KLHL24: variants seen among roughly 807,000 people sequenced by gnomAD.
The protein encoded by KLHL24 is kelch like family member 24, also known as kelch-like protein 24.
KLHL24 carries 29 observed loss-of-function variants against 53.4 expected under a neutral mutation model. The observed-to-expected ratio is 0.54, with a 90% CI of 0.40 to 0.74. KLHL24 has a LOEUF of 0.74. Ranked by LOEUF, KLHL24 falls within the 30% of genes least tolerant of loss-of-function variation. The pLI, the probability that KLHL24 is intolerant of heterozygous loss-of-function variation, is 0.00. For synonymous variants in KLHL24, 222 were observed against 253.7 expected, an observed-to-expected ratio of 0.88 and a Z score of 1.19; for missense variants, 504 against 744.0, an observed-to-expected ratio of 0.68 and a Z score of 3.75.
At chr3:183,646,485 G>T (rs1399492742) in intron 2 of KLHL24, among the ~76,000 whole-genome samples, 1 of 151,680 alleles carries the variant, frequency 6.6e-6, no homozygotes, top group Non-Finnish European at 1.5e-5. Flanking sequence ...AAATTGCTTG[G>T]ATTTTTTCTG....
chr3:183,675,666 C>G (rs1003565331), intron 7 of KLHL24, among the ~76,000 whole-genome samples: 5 of 151,874 alleles, frequency 3.3e-5, no homozygotes, highest in African/African-American at 9.7e-5. Flanking sequence ...GGTGCAGTGG[C>G]TCATGCATAT....
intron 5 of KLHL24, among the ~76,000 whole-genome samples, chr3:183,667,087 A>G (rs1389157582): frequency 6.6e-6 from 1 of 152,146 alleles, no homozygotes; most frequent in Non-Finnish European, 1.5e-5. Flanking sequence ...GCCTCTTACT[A>G]GTCCTCCTTC....
At chr3:183,659,398 A>G (rs1275084624) in intron 3 of KLHL24, among the ~76,000 whole-genome samples, 3 of 152,158 alleles carry the variant, frequency 2.0e-5, no homozygotes, top group Admixed American at 6.6e-5. Flanking sequence ...TTAGCTGGGC[A>G]TGGTGGTGCA....
At chr3:183,677,741 A>G (rs1483769569) in intron 7 of KLHL24, among the ~76,000 whole-genome samples, 1 of 152,182 alleles carries the variant, frequency 6.6e-6, no homozygotes, top group African/African-American at 2.4e-5. Flanking sequence ...CAGTATAACC[A>G]GATGCATGTA....
At chr3:183,666,959 C>A (rs1979252) in intron 5 of KLHL24, among the ~76,000 whole-genome samples, 1 of 151,828 alleles carries the variant, frequency 6.6e-6, no homozygotes, top group African/African-American at 2.4e-5. Flanking sequence ...CTCCTAGCAC[C>A]CCTTTCTAAG....
intron 7 of KLHL24, among the ~76,000 whole-genome samples, chr3:183,674,209 T>C (rs1721753130): frequency 6.6e-6 from 1 of 152,168 alleles, no homozygotes; most frequent in Non-Finnish European, 1.5e-5. Context: ...TTCCTTTCTC[T>C]AATAGCTTGT....
At position 183,651,392 on chromosome 3, in the gene KLHL24, A is replaced by T. The variant is rs539760591; in HGVS notation, c.920+116A>T. On this transcript the variant is annotated intron_variant, in intron 3 of 7. Coordinates refer to ENST00000242810, the MANE Select transcript of KLHL24 (RefSeq NM_017644.3). ...CACTGTCTACCTGTGGCTGTATATA[A>T]TTTTAGATTTATTTTGGATTATATG... 645 of 690,304 alleles carry T rather than the reference A, an allele frequency of 9.3e-4. 5 individuals carry two copies. The East Asian group carries it at 0.016, about 17-fold the overall frequency. The allele number at this position is 690,304 out of a possible 1,614,324, so 42.8% of individuals were successfully genotyped here.
chr3:183,650,305 G>C lies in KLHL24; in HGVS notation c.-52G>C. The C allele has an allele frequency of 7.1e-7, 1 of 1,418,264 alleles. No individual in the cohort carries two copies. The highest frequency in any genetic ancestry group is 9.7e-7 in the Non-Finnish European group (1 of 1,035,890). 87.9% of individuals were successfully genotyped at this position (1,418,264 alleles called of 1,614,324 possible). A position where few individuals can be genotyped will look rare whatever the true frequency, so the allele number is the denominator to read the frequency against. On this transcript the variant is annotated 5_prime_UTR_variant, in exon 3 of 8. Coordinates refer to ENST00000242810, the MANE Select transcript of KLHL24 (RefSeq NM_017644.3). The surrounding 1 kb of genome is among the most constrained non-coding windows in gnomAD (Gnocchi z 4.5). Reference sequence around the variant, plus strand: ...CTTTTTTTACTTTTAGCCACATAAAGAAGATCCCTAATAGTCATTTCTCAA... The same window carrying C: ...CTTTTTTTACTTTTAGCCACATAAACAAGATCCCTAATAGTCATTTCTCAA...
rs1305618964 is a variant in KLHL24 at position 183,681,794 on chromosome 3, G to C, written c.*2508G>C. 2 of 152,012 alleles carry C rather than the reference G, an allele frequency of 1.3e-5. No homozygotes were observed. Among genetic ancestry groups the C allele is most frequent in the Non-Finnish European group, 3.0e-5 (2 of 67,790 alleles). 9.4% of individuals were successfully genotyped at this position (152,012 alleles called of 1,614,324 possible). On this transcript the variant is annotated 3_prime_UTR_variant, in exon 8 of 8. Transcript: ENST00000242810. ...AGAGTAGAATTAATATATCAAAAGG[G>C]GTATATCAACCAAATTGGTGTCAGA...
chr3:183,655,818 A>G (rs1239686797), intron 3 of KLHL24, among the ~76,000 whole-genome samples: 1 of 151,902 alleles, frequency 6.6e-6, no homozygotes, highest in Non-Finnish European at 1.5e-5. Context: ...TCTACTCGGG[A>G]GGCTGAGGAG....
chr3:183,678,013 G>A (rs1401237669), intron 7 of KLHL24, among the ~76,000 whole-genome samples: 1 of 152,126 alleles, frequency 6.6e-6, no homozygotes, highest in African/African-American at 2.4e-5. Context: ...GACTGGTCTC[G>A]AACTCTTGAT....
In KLHL24 at chr3:183,672,501, G is replaced by T; in HGVS notation, c.1602+17G>T. ...AGCCGTCAGGTAATAACATAAAGCAGTACAAAAGAAAAATAAATCTAAGAG... is the reference window on the plus strand; with the variant it reads ...AGCCGTCAGGTAATAACATAAAGCATTACAAAAGAAAAATAAATCTAAGAG... On this transcript the variant is annotated intron_variant, in intron 7 of 7. Transcript: ENST00000242810. 1 of 1,545,070 alleles carries T rather than the reference G, an allele frequency of 6.5e-7. No homozygotes were observed. Among genetic ancestry groups the T allele is most frequent in the Non-Finnish European group, 8.8e-7 (1 of 1,139,290 alleles).
chr3:183,654,434 C>T (rs1428694277), intron 3 of KLHL24, among the ~76,000 whole-genome samples: 1 of 151,918 alleles, frequency 6.6e-6, no homozygotes, highest in Non-Finnish European at 1.5e-5. Context: ...CTCTTTCATT[C>T]ATTCATTTAT....
rs553012512 is a variant in KLHL24 at position 183,661,242 on chromosome 3, A to T, written c.921-2216A>T. Among the ~76,000 whole-genome samples the T allele has an allele frequency of 1.1e-4, 16 of 151,860 alleles. No individual in the cohort carries two copies. In the South Asian group the frequency reaches 3.3e-3, roughly 32 times the overall value. On this transcript the variant is annotated intron_variant, in intron 3 of 7. Coordinates refer to ENST00000242810, the MANE Select transcript of KLHL24 (RefSeq NM_017644.3). The stretch of plus-strand genomic sequence containing the variant: ...AGAGTAAGACCTTGTCTCTATTTGA[A>T]AGAAAAACAAAAAAAGAATTAATGA...
chr3:183,639,534 G>A (rs560122952), intron 1 of KLHL24, among the ~76,000 whole-genome samples: 453 of 150,816 alleles, frequency 3.0e-3, no homozygotes, highest in African/African-American at 0.01. Context: ...GGAGGCTGAG[G>A]CAGGAGAATG....
chr3:183,680,567 C>A lies in KLHL24; in HGVS notation c.*1281C>A, dbSNP rs1712573890. 1 of 152,080 alleles carries A rather than the reference C, an allele frequency of 6.6e-6. No individual in the cohort carries two copies. The highest frequency in any genetic ancestry group is 1.5e-5 in the Non-Finnish European group (1 of 68,022). 9.4% of individuals were successfully genotyped at this position (152,080 alleles called of 1,614,324 possible). ...TTTAAGGTAAGTCTTTCATTTGGTC[C>A]CCATTGTGTAAAATACTAATCAACA... On this transcript the variant is annotated 3_prime_UTR_variant, in exon 8 of 8. Transcript: ENST00000242810.
At chr3:183,669,933 A>C (rs1721113689) in intron 5 of KLHL24, among the ~76,000 whole-genome samples, 1 of 152,162 alleles carries the variant, frequency 6.6e-6, no homozygotes, top group Non-Finnish European at 1.5e-5. Flanking sequence ...GGGAAGAGTT[A>C]ATGATGACAG....
Position 183,663,445 on chromosome 3 carries a change from A to AT in KLHL24, c.921-11dup. The AT allele has an allele frequency of 7.3e-7, 1 of 1,361,724 alleles. No homozygotes were observed. 84.4% of individuals were successfully genotyped at this position (1,361,724 alleles called of 1,614,324 possible). Reference sequence around the variant, plus strand: ...ATTATATTATTTATGTACGCTAATAATTATTATTTTAGGTCCACTGGCTAT... The same window carrying AT: ...ATTATATTATTTATGTACGCTAATAATTTATTATTTTAGGTCCACTGGCTAT... On this transcript the variant is annotated splice_polypyrimidine_tract_variant and intron_variant, in intron 3 of 7. Coordinates refer to ENST00000242810, the MANE Select transcript of KLHL24 (RefSeq NM_017644.3). This position sits in a 1 kb window ranked among gnomAD's most constrained non-coding sequence, Gnocchi z 4.9.
chr3:183,663,783 G>T lies in KLHL24; in HGVS notation c.1105+141G>T. ...GTTTACAACAAATAAAACCAAGAAT[G>T]ACTTTTTGCTCTTAAAAACAGGTAC... On this transcript the variant is annotated intron_variant, in intron 4 of 7. Coordinates refer to ENST00000242810, the MANE Select transcript of KLHL24 (RefSeq NM_017644.3). This position sits in a 1 kb window ranked among gnomAD's most constrained non-coding sequence, Gnocchi z 4.9. 1.9e-6 allele frequency: 1 copy of T among 519,292 alleles called. No homozygotes were observed. 32.2% of individuals were successfully genotyped at this position (519,292 alleles called of 1,614,324 possible).
Sources: allele counts gnomAD v4.1 joint callset (sites outside exome capture counted in the v4.1 genomes callset), GRCh38; gene constraint gnomAD v4.1.1; non-coding constraint Gnocchi (gnomAD v3.1); transcripts MANE v1.5; gene names NCBI Gene and HGNC (gene_info 2026-07-23, HGNC 2026-07-21).